Variants in GNG2 observed in about 807,000 individuals in gnomAD.
GNG2 encodes G protein subunit gamma 2, also known as guanine nucleotide-binding protein G(I)/G(S)/G(O) subunit gamma-2.
In GNG2, 5 loss-of-function variants were observed where a neutral mutation model predicts 5.5. The ratio of observed to expected loss-of-function variants is 0.91; its 90% confidence interval spans 0.48 to 1.92. GNG2 has a LOEUF of 1.92. Among genes scored for constraint, GNG2 ranks in the 30% most tolerant of loss-of-function variants. The pLI is 0.01. For synonymous variants in GNG2, 28 were observed against 32.0 expected (o/e 0.88, Z 0.42); for missense variants, 55 against 88.4 (o/e 0.62, Z 1.52).
intron 2 of GNG2, among the ~76,000 whole-genome samples, chr14:51,882,375 G>A (rs906286976): frequency 2.6e-5 from 4 of 152,130 alleles, no homozygotes; most frequent in South Asian, 2.1e-4. Flanking sequence ...GTGTGAATCC[G>A]TTTTAATACA....
chr14:51,831,183 C>T (rs1881178674), intron 2 of GNG2, among the ~76,000 whole-genome samples: 1 of 152,212 alleles, frequency 6.6e-6, no homozygotes, highest in African/African-American at 2.4e-5. Flanking sequence ...CCAGAGGCCC[C>T]TGCGTTTAAT....
At chr14:51,908,559 T>TATCC (rs1189787747) in intron 2 of GNG2, among the ~76,000 whole-genome samples, 1 of 141,264 alleles carries the variant, frequency 7.1e-6, no homozygotes, top group African/African-American at 2.9e-5. Context: ...TCTATCTATC[T>TATCC]ATCCATATAT....
chr14:51,922,726 A>G (rs1187931278), intron 2 of GNG2, among the ~76,000 whole-genome samples: 2 of 152,286 alleles, frequency 1.3e-5, no homozygotes, highest in East Asian at 1.9e-4. Flanking sequence ...AAGAAACAAA[A>G]AAGCCTTTCT....
intron 2 of GNG2, among the ~76,000 whole-genome samples, chr14:51,912,629 A>G (rs1408764598): frequency 1.3e-5 from 2 of 152,164 alleles, no homozygotes; most frequent in African/African-American, 4.8e-5. Context: ...TAAAATTCCC[A>G]AAACAATTGC....
chr14:51,876,640 A>T (rs75144018), intron 1 of GNG2, among the ~76,000 whole-genome samples: 3,889 of 151,912 alleles, frequency 0.026, 81 homozygotes, highest in South Asian at 0.056. Flanking sequence ...GTCATTAATC[A>T]TGAGATAATG....
intron 1 of GNG2, chr14:51,874,140 C>T (rs12436400): frequency 0.5 from 76,486 of 152,082 alleles, 19,879 homozygotes; most frequent in African/African-American, 0.63. Flanking sequence ...CTTTAAGAAG[C>T]CTGGGGCCAG....
rs9743514 is a variant in GNG2, at chr14:51,875,947, C to T, written c.-70-1670C>T. On this transcript the variant is annotated intron_variant, in intron 1 of 3. Coordinates refer to ENST00000556766, the MANE Select transcript of GNG2 (RefSeq NM_053064.5). ...TTTTTCATCATTTAAACATTTTTTT[C>T]TTTTTTCCGAGACAGACTCTCACTC... is the stretch of plus-strand genomic sequence containing the variant. 1.1e-3 allele frequency among the ~76,000 whole-genome samples: 153 copies of T among 141,076 alleles called. 5 individuals carry two copies. The Middle Eastern group carries it at 0.015, about 14-fold the overall frequency. The allele number at this position is 141,076 out of a possible 152,430, so 92.6% of individuals were successfully genotyped here. A position where few individuals can be genotyped will look rare whatever the true frequency, so the allele number is the denominator to read the frequency against.
At position 51,959,524 on chromosome 14, in the gene GNG2, G is replaced by T. The variant is rs73297092; in HGVS notation, c.88-7035G>T. ...TATTTATCCAGAATTAGACTACTTT[G>T]TCCCACCTCCACTGCTATTACTCTA... On this transcript the variant is annotated intron_variant, in intron 3 of 3. Coordinates refer to ENST00000556766, the MANE Select transcript of GNG2 (RefSeq NM_053064.5). 6.9e-3 allele frequency among the ~76,000 whole-genome samples: 1,054 copies of T among 152,136 alleles called. 12 individuals carry two copies. Among genetic ancestry groups the T allele is most frequent in the African/African-American group, 0.024 (1,009 of 41,486 alleles).
chr14:51,886,166 A>G (rs1465898259), intron 2 of GNG2, among the ~76,000 whole-genome samples: 1 of 152,264 alleles, frequency 6.6e-6, no homozygotes, highest in Non-Finnish European at 1.5e-5. Context: ...CCATGGAAAT[A>G]TAATTTATAA....
intron 2 of GNG2, among the ~76,000 whole-genome samples, chr14:51,898,615 C>G (rs541216565): frequency 6.6e-6 from 1 of 152,196 alleles, no homozygotes; most frequent in Non-Finnish European, 1.5e-5. Flanking sequence ...AGGGAAGGCT[C>G]TTTGTCTGAA....
intron 2 of GNG2, among the ~76,000 whole-genome samples, chr14:51,894,515 G>T (rs1885061848): frequency 6.6e-6 from 1 of 152,104 alleles, no homozygotes; most frequent in Non-Finnish European, 1.5e-5. Context: ...TATTATTGTG[G>T]ATTATTATTA....
chr14:51,867,563 C>A (rs568547747), intron 1 of GNG2, among the ~76,000 whole-genome samples: 175 of 152,320 alleles, frequency 1.1e-3, no homozygotes, highest in Non-Finnish European at 2.0e-3. Context: ...GGGAAAATAT[C>A]TTGATACTGA....
chr14:51,840,452 G>A (rs747907642), intron 2 of GNG2, among the ~76,000 whole-genome samples: 16 of 152,140 alleles, frequency 1.1e-4, no homozygotes, highest in Non-Finnish European at 2.2e-4. Flanking sequence ...TCTCCACTCT[G>A]GATGCAGTCC....
chr14:51,894,361 A>T (rs1046910522), intron 2 of GNG2, among the ~76,000 whole-genome samples: 3 of 149,492 alleles, frequency 2.0e-5, no homozygotes, highest in Non-Finnish European at 4.5e-5. Flanking sequence ...TCTTTTCTTA[A>T]TGCTAAAACT....
intron 3 of GNG2, among the ~76,000 whole-genome samples, chr14:51,962,028 A>G (rs995569510): frequency 6.6e-6 from 1 of 152,204 alleles, no homozygotes; most frequent in Non-Finnish European, 1.5e-5. Flanking sequence ...CTGCATAGTT[A>G]TGAACACAGG....
At chr14:51,849,805 CTTTTTT>C (rs33966382) in intron 2 of GNG2, among the ~76,000 whole-genome samples, 17 of 122,008 alleles carry the variant, frequency 1.4e-4, no homozygotes, top group Admixed American at 2.5e-4. Context: ...AAAGCAAATG[CTTTTTT>C]TTTTTTTTTT....
intron 2 of GNG2, among the ~76,000 whole-genome samples, chr14:51,846,866 A>T (rs1345263779): frequency 6.6e-6 from 1 of 152,164 alleles, no homozygotes; most frequent in Non-Finnish European, 1.5e-5. Flanking sequence ...AAAGCTTGAG[A>T]TGCAATCCTT....
chr14:51,827,722 C>T (rs149378359), exon 2 of GNG2: 1 of 702,228 alleles, frequency 1.4e-6, no homozygotes, highest in Admixed American at 2.0e-5. Flanking sequence ...CTGAGCCCAA[C>T]CTGTGCCTCT....
intron 1 of GNG2, among the ~76,000 whole-genome samples, chr14:51,869,414 G>C (rs1286645728): frequency 6.6e-6 from 1 of 152,156 alleles, no homozygotes; most frequent in African/African-American, 2.4e-5. Flanking sequence ...TCAGCAGGTT[G>C]ATTTCCCCTC....
Sources: gnomAD v4.1 joint callset for allele counts (sites outside exome capture counted in the v4.1 genomes callset) on GRCh38, gnomAD v4.1.1 for gene constraint, MANE v1.5 for transcripts, NCBI Gene and HGNC (gene_info 2026-07-23, HGNC 2026-07-21) for gene names.